ACSF3: variants seen among roughly 807,000 people sequenced by gnomAD.
ACSF3 encodes acyl-CoA synthetase family member 3.
ACSF3 carries 78 observed loss-of-function variants against 53.2 expected under a neutral mutation model. The observed-to-expected ratio is 1.47, with a 90% CI of 1.22 to 1.77. The LOEUF (loss-of-function observed/expected upper bound fraction) is 1.77, where lower values mean the gene tolerates loss of function less well. ACSF3 is among the 40% of genes most tolerant of loss of function. The probability of loss-of-function intolerance (pLI) is 0.00; values close to 1 mark genes in which losing one functional copy is unlikely to be tolerated. For synonymous variants in ACSF3, 414 were observed against 333.1 expected, an observed-to-expected ratio of 1.24 and a Z score of -2.65; for missense variants, 937 against 771.1, an observed-to-expected ratio of 1.22 and a Z score of -2.55.
intron 3 of ACSF3, 60 bp downstream of exon 3, chr16:89,101,407 C>A (rs943511560): frequency 6.5e-7 from 1 of 1,548,072 alleles, no homozygotes; most frequent in Non-Finnish European, 8.7e-7. Context: ...GGGTGGGCTC[C>A]GGGCCAGAAG....
At chr16:89,100,119 C>T (rs1015420360) in intron 2 of ACSF3, among the ~76,000 whole-genome samples, 23 of 152,210 alleles carry the variant, frequency 1.5e-4, no homozygotes, top group Admixed American at 1.1e-3. Context: ...CCAGCCTGGG[C>T]GACACAGCAA....
chr16:89,102,397 C>T lies in ACSF3; in HGVS notation c.667-207C>T, dbSNP rs1975449487. The T allele has an allele frequency of 4.7e-6, 3 of 642,390 alleles. No individual in the cohort carries two copies. In the South Asian group the frequency reaches 5.3e-5, roughly 11 times the overall value. 39.8% of individuals were successfully genotyped at this position (642,390 alleles called of 1,614,324 possible). A position where few individuals can be genotyped will look rare whatever the true frequency, so the allele number is the denominator to read the frequency against. On this transcript the variant is annotated intron_variant, in intron 3 of 10. Transcript: ENST00000614302. ...TGTGTGTGGCGCTGTCCTCTGTCCC[C>T]AGGGTAAGTGAGTGACCCAGCAGAT...
intron 6 of ACSF3, among the ~76,000 whole-genome samples, chr16:89,117,804 C>T (rs939707952): frequency 6.6e-6 from 1 of 152,154 alleles, no homozygotes; most frequent in Non-Finnish European, 1.5e-5. Context: ...GAGGAGTCCC[C>T]GGCTGAGGAG....
intron 7 of ACSF3, among the ~76,000 whole-genome samples, chr16:89,129,180 G>C (rs1047452858): frequency 6.6e-6 from 1 of 152,120 alleles, no homozygotes. Context: ...GTGTTTGATC[G>C]TGTTGTTCAG....
rs1035464511 is a variant in ACSF3, at chr16:89,155,971, A to G, written c.*1764A>G. On this transcript the variant is annotated 3_prime_UTR_variant, in exon 11 of 11. Transcript: ENST00000614302. ...GAGAGCCTGGAGCTCGTTGACCACA[A>G]ACTACAGAAAGCCTGGAGCTCGTTG... is the stretch of plus-strand genomic sequence containing the variant. The G allele has an allele frequency of 4.7e-5, 17 of 361,286 alleles. No individual in the cohort carries two copies. The highest frequency in any genetic ancestry group is 3.6e-4 in the South Asian group (17 of 46,622). 22.4% of individuals were successfully genotyped at this position (361,286 alleles called of 1,614,324 possible).
rs1056144118 is a variant in ACSF3 at position 89,156,149 on chromosome 16, C to G, written c.*1942C>G. On this transcript the variant is annotated 3_prime_UTR_variant, in exon 11 of 11. Coordinates refer to ENST00000614302, the MANE Select transcript of ACSF3 (RefSeq NM_001243279.3). ...GTGCCCAGCCAGGCCCCTGGTTCCC[C>G]TCTGCTCCACCAGCCGAGAACAAGC... is the stretch of plus-strand genomic sequence containing the variant. Among the ~76,000 whole-genome samples the G allele has an allele frequency of 3.3e-5, 5 of 152,330 alleles. No individual in the cohort carries two copies. Among genetic ancestry groups the G allele is most frequent in the African/African-American group, 1.2e-4 (5 of 41,574 alleles).
At chr16:89,124,244 G>A (rs1242456766) in intron 7 of ACSF3, among the ~76,000 whole-genome samples, 1 of 152,166 alleles carries the variant, frequency 6.6e-6, no homozygotes, top group African/African-American at 2.4e-5. Context: ...AGTCAATATG[G>A]CTGAGCTCCA....
At chr16:89,134,843 C>T (rs1349744897) in intron 8 of ACSF3, among the ~76,000 whole-genome samples, 1 of 152,210 alleles carries the variant, frequency 6.6e-6, no homozygotes, top group East Asian at 1.9e-4. Flanking sequence ...CTTAGGGATT[C>T]TTAGTCGGCC....
chr16:89,122,991 C>A (rs779681372), intron 7 of ACSF3, among the ~76,000 whole-genome samples: 1 of 152,194 alleles, frequency 6.6e-6, no homozygotes, highest in African/African-American at 2.4e-5. Context: ...GGGGCCTCTG[C>A]GACAGGCATG....
intron 6 of ACSF3, among the ~76,000 whole-genome samples, chr16:89,116,016 A>G (rs1905062758): frequency 6.6e-6 from 1 of 152,146 alleles, no homozygotes; most frequent in Admixed American, 6.5e-5. Flanking sequence ...TGTTTTGTGA[A>G]TTGTCTGATG....
In ACSF3 at chr16:89,155,487, C is replaced by A. The variant is rs1227550976; in HGVS notation, c.*1280C>A. On this transcript the variant is annotated 3_prime_UTR_variant, in exon 11 of 11. Coordinates refer to ENST00000614302, the MANE Select transcript of ACSF3 (RefSeq NM_001243279.3). Reference sequence around the variant, plus strand: ...CTGAGGCCACAGAGCAGCGTCCCAGCCCTGTTTTCCAGGACTGGTGGGTGC... The same window carrying A: ...CTGAGGCCACAGAGCAGCGTCCCAGACCTGTTTTCCAGGACTGGTGGGTGC... 1 of 454,162 alleles carries A rather than the reference C, an allele frequency of 2.2e-6. No individual in the cohort carries two copies. Among genetic ancestry groups the A allele is most frequent in the African/African-American group, 2.0e-5 (1 of 50,144 alleles). The allele number at this position is 454,162 out of a possible 1,614,324, so 28.1% of individuals were successfully genotyped here.
intron 6 of ACSF3, among the ~76,000 whole-genome samples, chr16:89,119,821 C>T (rs887595243): frequency 6.6e-5 from 10 of 152,208 alleles, no homozygotes; most frequent in African/African-American, 1.4e-4. Flanking sequence ...CCTCACCAAG[C>T]GTCTGGAGGC....
At chr16:89,104,812 A>G (rs571789486) in intron 4 of ACSF3, among the ~76,000 whole-genome samples, 49 of 152,354 alleles carry the variant, frequency 3.2e-4, no homozygotes, top group African/African-American at 1.2e-3. Context: ...TCTAGCCTCC[A>G]CTGGAGGCAA....
intron 8 of ACSF3, among the ~76,000 whole-genome samples, chr16:89,141,912 C>T (rs772075510): frequency 1.3e-5 from 2 of 152,216 alleles, no homozygotes; most frequent in Non-Finnish European, 1.5e-5. Context: ...GAATCATCCC[C>T]GAGACAGGCG....
intron 10 of ACSF3, chr16:89,147,993 C>T (rs1263757024): frequency 6.6e-6 from 1 of 151,992 alleles, no homozygotes; most frequent in African/African-American, 2.4e-5. Flanking sequence ...GTAAATACAC[C>T]AGTGCCAAAA....
intron 4 of ACSF3, among the ~76,000 whole-genome samples, chr16:89,108,236 G>A (rs1338938563): frequency 6.6e-6 from 1 of 152,144 alleles, no homozygotes; most frequent in Non-Finnish European, 1.5e-5. Context: ...ACCATATCAG[G>A]AGTCCTTAAA....
chr16:89,119,015 C>T (rs1429945019), intron 6 of ACSF3, among the ~76,000 whole-genome samples: 1 of 151,804 alleles, frequency 6.6e-6, no homozygotes, highest in Non-Finnish European at 1.5e-5. Flanking sequence ...CTCGAGCTCT[C>T]ACGGGTGGCA....
intron 10 of ACSF3, chr16:89,150,948 A>G (rs1913976254): frequency 1.6e-6 from 2 of 1,267,460 alleles, no homozygotes; most frequent in Admixed American, 2.4e-5. Context: ...CCAACTGTCT[A>G]ATGGGAGTTC....
At chr16:89,112,857 C>A (rs1904313945) in intron 5 of ACSF3, among the ~76,000 whole-genome samples, 1 of 152,252 alleles carries the variant, frequency 6.6e-6, no homozygotes, top group South Asian at 2.1e-4. Context: ...TGCAGTCTCT[C>A]TGCCTTCGTG....
Sources: allele counts gnomAD v4.1 joint callset (sites outside exome capture counted in the v4.1 genomes callset), GRCh38; gene constraint gnomAD v4.1.1; transcripts MANE v1.5; gene names NCBI Gene and HGNC (gene_info 2026-07-23, HGNC 2026-07-21).